Variants in EIF2AK2 observed in about 807,000 individuals in gnomAD.
EIF2AK2 encodes the protein interferon-induced, double-stranded RNA-activated protein kinase.
In EIF2AK2, 40 loss-of-function variants were observed where a neutral mutation model predicts 70.5. The observed-to-expected ratio is 0.57, with a 90% CI of 0.44 to 0.74. The LOEUF (loss-of-function observed/expected upper bound fraction) is 0.74, where lower values mean the gene tolerates loss of function less well. Among genes scored for constraint, EIF2AK2 ranks in the 30% least tolerant of loss-of-function variants. The pLI is 0.00. For missense variants in EIF2AK2, 555 were observed against 644.3 expected (o/e 0.86, Z 1.50); for synonymous variants, 198 against 220.9 (o/e 0.90, Z 0.92).
At chr2:37,150,610 A>G (rs900883939) in intron 1 of EIF2AK2, among the ~76,000 whole-genome samples, 3 of 152,152 alleles carry the variant, frequency 2.0e-5, no homozygotes, top group African/African-American at 7.2e-5. Flanking sequence ...GGAACAACAC[A>G]ATGCTTGCTT....
At position 37,101,881 on chromosome 2, in the gene EIF2AK2, T is replaced by C. The variant is rs574449009; in HGVS notation, c.*5392A>G. 6.6e-6 allele frequency: 1 copy of C among 152,286 alleles called. No individual in the cohort carries two copies. The highest frequency in any genetic ancestry group is 1.9e-4 in the East Asian group (1 of 5,188). The allele number at this position is 152,286 out of a possible 1,614,324, so 9.4% of individuals were successfully genotyped here. ...TGTGACAATGATGCTGTGGTTTTGT[T>C]AAAAAGATTTATCTGCTAGAGATAC... On this transcript the variant is annotated 3_prime_UTR_variant, in exon 17 of 17. Transcript: ENST00000233057.
At chr2:37,119,192 T>C (rs1451287227) in intron 13 of EIF2AK2, among the ~76,000 whole-genome samples, 1 of 152,174 alleles carries the variant, frequency 6.6e-6, no homozygotes, top group Non-Finnish European at 1.5e-5. Flanking sequence ...AAACTCCTTG[T>C]CCGGACCATA....
At chr2:37,147,062 T>C in intron 3 of EIF2AK2, 89 bp from the exon 4 acceptor site, 1 of 1,283,212 alleles carries the variant, frequency 7.8e-7, no homozygotes, top group Non-Finnish European at 1.1e-6. Context: ...CTCCTATGAC[T>C]ACCTTTGAGG....
chr2:37,102,010 C>A lies in EIF2AK2; in HGVS notation c.*5263G>T. On this transcript the variant is annotated 3_prime_UTR_variant, in exon 17 of 17. Coordinates refer to ENST00000233057, the MANE Select transcript of EIF2AK2 (RefSeq NM_001135651.3). Reference sequence around the variant, plus strand: ...ATCCCAGCAGTTTGGAAGACCAAGGCAGGAGAATCTCTCAAGGCCAGGAGT... The same window carrying A: ...ATCCCAGCAGTTTGGAAGACCAAGGAAGGAGAATCTCTCAAGGCCAGGAGT... The A allele has an allele frequency of 6.6e-6, 1 of 152,294 alleles. No individual in the cohort carries two copies. The highest frequency in any genetic ancestry group is 1.5e-5 in the Non-Finnish European group (1 of 68,056). The allele number at this position is 152,294 out of a possible 1,614,324, so 9.4% of individuals were successfully genotyped here. A position where few individuals can be genotyped will look rare whatever the true frequency, so the allele number is the denominator to read the frequency against.
At chr2:37,127,518 A>G (rs148488650) in intron 10 of EIF2AK2, among the ~76,000 whole-genome samples, 77 of 152,102 alleles carry the variant, frequency 5.1e-4, no homozygotes, top group African/African-American at 1.6e-3. Context: ...ATTGCACTCA[A>G]AGCACACACT....
rs977251078 is a variant in EIF2AK2 at position 37,101,507 on chromosome 2, A to G, written c.*5766T>C. Reference sequence around the variant, plus strand: ...CAATATTAAAATCACTGAAAGTGGAACAATCAGACATCATGTTCCTCCTGA... The same window carrying G: ...CAATATTAAAATCACTGAAAGTGGAGCAATCAGACATCATGTTCCTCCTGA... On this transcript the variant is annotated 3_prime_UTR_variant, in exon 17 of 17. Coordinates refer to ENST00000233057, the MANE Select transcript of EIF2AK2 (RefSeq NM_001135651.3). 3 of 152,230 alleles carry G rather than the reference A, an allele frequency of 2.0e-5. No homozygotes were observed. The highest frequency in any genetic ancestry group is 7.2e-5 in the African/African-American group (3 of 41,460). The allele number at this position is 152,230 out of a possible 1,614,324, so 9.4% of individuals were successfully genotyped here.
chr2:37,118,548 A>G (rs1393847942), intron 13 of EIF2AK2, among the ~76,000 whole-genome samples: 1 of 152,206 alleles, frequency 6.6e-6, no homozygotes, highest in Non-Finnish European at 1.5e-5. Context: ...TTATTTGCAA[A>G]TTATTTTATA....
At position 37,122,894 on chromosome 2, in the gene EIF2AK2, G is replaced by A. The variant is rs4648213; in HGVS notation, c.909-230C>T. On this transcript the variant is annotated intron_variant, in intron 11 of 16. Coordinates refer to ENST00000233057, the MANE Select transcript of EIF2AK2 (RefSeq NM_001135651.3). The stretch of plus-strand genomic sequence containing the variant: ...ATAAAATAAAAGGCAGTGGCCGGGC[G>A]CGGTGGCTCAGGCCTGTAATCCCAG... 2.2e-3 allele frequency among the ~76,000 whole-genome samples: 333 copies of A among 152,242 alleles called. 2 individuals carry two copies. Among genetic ancestry groups the A allele is most frequent in the South Asian group, 0.013 (64 of 4,818 alleles).
intron 10 of EIF2AK2, among the ~76,000 whole-genome samples, chr2:37,135,044 T>C (rs767026065): frequency 2.6e-5 from 4 of 152,188 alleles, no homozygotes; most frequent in African/African-American, 4.8e-5. Flanking sequence ...TTAGAAGATA[T>C]AGCCTGAAGC....
chr2:37,123,684 T>C (rs1375397133), intron 11 of EIF2AK2, among the ~76,000 whole-genome samples: 1 of 152,186 alleles, frequency 6.6e-6, no homozygotes, highest in African/African-American at 2.4e-5. Flanking sequence ...CCAGGCAGTG[T>C]GAAGTACCTA....
intron 10 of EIF2AK2, among the ~76,000 whole-genome samples, chr2:37,132,949 T>C (rs574566805): frequency 6.6e-6 from 1 of 152,310 alleles, no homozygotes; most frequent in African/African-American, 2.4e-5. Context: ...GCTTCGACTG[T>C]CACCTCCAAA....
In EIF2AK2 at chr2:37,099,530, T is replaced by A. The variant is rs979752347; in HGVS notation, c.*7743A>T. The A allele has an allele frequency of 6.6e-6, 1 of 152,200 alleles. No individual in the cohort carries two copies. The highest frequency in any genetic ancestry group is 2.4e-5 in the African/African-American group (1 of 41,440). The allele number at this position is 152,200 out of a possible 1,614,324, so 9.4% of individuals were successfully genotyped here. A position where few individuals can be genotyped will look rare whatever the true frequency, so the allele number is the denominator to read the frequency against. ...ATGGGAGTACTAGGGAGAAGATTCA[T>A]TTTGAGTGGGAGATGTTGGAACACT... On this transcript the variant is annotated 3_prime_UTR_variant, in exon 17 of 17. Coordinates refer to ENST00000233057, the MANE Select transcript of EIF2AK2 (RefSeq NM_001135651.3).
At position 37,136,041 on chromosome 2, in the gene EIF2AK2, C is replaced by A. The variant is rs535731051; in HGVS notation, c.723-495G>T. The stretch of plus-strand genomic sequence containing the variant: ...CACCTTAGAGTGCTCATTGTTGATG[C>A]GTCACTAACCTCTCCTTTTCCTCCT... On this transcript the variant is annotated intron_variant, in intron 9 of 16. Coordinates refer to ENST00000233057, the MANE Select transcript of EIF2AK2 (RefSeq NM_001135651.3). 2.5e-4 allele frequency among the ~76,000 whole-genome samples: 38 copies of A among 152,294 alleles called. No individual in the cohort carries two copies. The South Asian group carries it at 6.6e-3, about 27-fold the overall frequency.
At chr2:37,115,739 T>C (rs374885415) in intron 13 of EIF2AK2, among the ~76,000 whole-genome samples, 3 of 152,122 alleles carry the variant, frequency 2.0e-5, no homozygotes, top group Non-Finnish European at 4.4e-5. Flanking sequence ...AGAATTTCTC[T>C]TGGGGGTCTT....
At chr2:37,114,175 C>T (rs992001940) in intron 14 of EIF2AK2, among the ~76,000 whole-genome samples, 3 of 152,056 alleles carry the variant, frequency 2.0e-5, no homozygotes, top group Non-Finnish European at 2.9e-5. Flanking sequence ...GTATGTGCCT[C>T]TAGAGTCCTA....
At chr2:37,114,597 G>A (rs1674270962) in intron 14 of EIF2AK2, 134 bp downstream of exon 14, 1 of 628,780 alleles carries the variant, frequency 1.6e-6, no homozygotes, top group African/African-American at 1.9e-5. Context: ...GAAGAATAGG[G>A]GTAGAAAAGA....
At chr2:37,110,300 GGC>G (rs1674102756) in intron 14 of EIF2AK2, among the ~76,000 whole-genome samples, 1 of 150,514 alleles carries the variant, frequency 6.6e-6, no homozygotes, top group African/African-American at 2.4e-5. Context: ...TCAACATCTT[GGC>G]CAGGCTGGTC....
chr2:37,146,647 T>A (rs1675548898), intron 4 of EIF2AK2, among the ~76,000 whole-genome samples: 1 of 152,214 alleles, frequency 6.6e-6, no homozygotes. Context: ...TAAATAACTA[T>A]TATCCAGCTT....
rs531277989 is a variant in EIF2AK2 at position 37,128,927 on chromosome 2, G to C, written c.786-2516C>G. Among the ~76,000 whole-genome samples the C allele has an allele frequency of 2.0e-5, 3 of 152,260 alleles. No individual in the cohort carries two copies. In the South Asian group the frequency reaches 6.2e-4, roughly 32 times the overall value. On this transcript the variant is annotated intron_variant, in intron 10 of 16. Coordinates refer to ENST00000233057, the MANE Select transcript of EIF2AK2 (RefSeq NM_001135651.3). The stretch of plus-strand genomic sequence containing the variant: ...TGAAAAGCTCAGAGAAATTACACAA[G>C]AGCACCAGTAAAACCCTGCCCTTTT...
Sources: gnomAD v4.1 joint callset for allele counts (sites outside exome capture counted in the v4.1 genomes callset) on GRCh38, gnomAD v4.1.1 for gene constraint, MANE v1.5 for transcripts, NCBI Gene and HGNC (gene_info 2026-07-23, HGNC 2026-07-21) for gene names.